Variants in ACBD5 observed in about 807,000 individuals in gnomAD.
The protein encoded by ACBD5 is acyl-CoA binding domain containing 5.
Under a neutral mutation model 71.8 loss-of-function variants are expected in ACBD5, and 40 were observed. That is an observed-to-expected ratio of 0.56 (90% CI 0.43 to 0.72). The LOEUF is 0.72. Among genes scored for constraint, ACBD5 ranks in the 30% least tolerant of loss-of-function variants. ACBD5 has a pLI of 0.00. For synonymous variants in ACBD5, 229 were observed against 218.6 expected, an observed-to-expected ratio of 1.05 and a Z score of -0.42; for missense variants, 559 against 644.5, an observed-to-expected ratio of 0.87 and a Z score of 1.44.
intron 5 of ACBD5, chr10:27,220,564 A>G (rs926801362): frequency 6.6e-5 from 10 of 152,212 alleles, no homozygotes; most frequent in South Asian, 2.1e-4. Context: ...TGGTTACTGG[A>G]CACTGTTTTG....
intron 11 of ACBD5, 115 bp downstream of exon 11, chr10:27,205,083 C>T (rs2060337477): frequency 2.1e-6 from 2 of 965,744 alleles, no homozygotes; most frequent in Non-Finnish European, 3.1e-6. Flanking sequence ...GCTGAGATCG[C>T]ACCACTGCAC....
rs1167438554 is a variant in ACBD5 at position 27,228,815 on chromosome 10, ATTTTTTTTT to A, written c.375+2924_375+2932del. On this transcript the variant is annotated intron_variant, in intron 4 of 12. Coordinates refer to ENST00000396271, the MANE Select transcript of ACBD5 (RefSeq NM_145698.5). ...TTTATATATATATATATATATATAT[ATTTTTTTTT>A]TTTTTTTTTTTTTTGAGACAGATTA... Among the ~76,000 whole-genome samples the A allele has an allele frequency of 1.5e-4, 3 of 20,368 alleles. No homozygotes were observed. The South Asian group carries it at 6.0e-3, about 41-fold the overall frequency. 13.4% of individuals were successfully genotyped at this position (20,368 alleles called of 152,430 possible).
upstream of ACBD5, chr10:27,240,811 C>T: frequency 1.4e-6 from 2 of 1,413,772 alleles, no homozygotes; most frequent in Non-Finnish European, 1.9e-6. This position sits in a 1 kb window ranked among gnomAD's most constrained non-coding sequence, Gnocchi z 4.1. Context: ...AGTCCGTGCC[C>T]TCCCCACAGC....
intron 2 of ACBD5, among the ~76,000 whole-genome samples, chr10:27,238,039 G>A (rs980128520): frequency 1.3e-5 from 2 of 151,838 alleles, no homozygotes; most frequent in Admixed American, 6.6e-5. Flanking sequence ...TCCGCCTCCC[G>A]GGTTCACGCC....
intron 12 of ACBD5, among the ~76,000 whole-genome samples, chr10:27,199,518 A>T (rs1032892856): frequency 2.0e-5 from 3 of 152,198 alleles, no homozygotes; most frequent in African/African-American, 7.2e-5. Context: ...CACAGGAAAC[A>T]ACAGATAAGG....
upstream of ACBD5, chr10:27,242,078 G>T (rs1034039358): frequency 1.5e-5 from 7 of 453,256 alleles, no homozygotes; most frequent in African/African-American, 1.4e-4. Context: ...GCCGGACAAG[G>T]CCTGTCCGGT....
intron 4 of ACBD5, among the ~76,000 whole-genome samples, chr10:27,228,470 G>C (rs1258754058): frequency 6.6e-6 from 1 of 151,704 alleles, no homozygotes. Context: ...CCAGCTACTC[G>C]GGAGGCTGAG....
intron 5 of ACBD5, chr10:27,223,086 A>G: frequency 1.5e-6 from 1 of 669,872 alleles, no homozygotes; most frequent in Admixed American, 2.5e-5. Flanking sequence ...AACTTCATAT[A>G]ATGTGTTTGC....
chr10:27,233,358 C>T (rs480738), intron 3 of ACBD5, among the ~76,000 whole-genome samples: 26,730 of 149,028 alleles, frequency 0.18, 2,917 homozygotes, highest in East Asian at 0.33. Context: ...ACTTGGGAGG[C>T]GGAGATTCAG....
intron 12 of ACBD5, among the ~76,000 whole-genome samples, chr10:27,200,387 G>A (rs112037967): frequency 0.036 from 5,517 of 152,030 alleles, 113 homozygotes; most frequent in African/African-American, 0.056. Flanking sequence ...CCCTTGTTTA[G>A]AAATAACCAC....
intron 13 of ACBD5, among the ~76,000 whole-genome samples, chr10:27,184,213 A>G (rs1429042496): frequency 6.6e-6 from 1 of 152,204 alleles, no homozygotes; most frequent in African/African-American, 2.4e-5. Context: ...TACTAGGAAG[A>G]AAAATAAAGC....
chr10:27,188,625 A>AAGTT (rs2058917106), intron 13 of ACBD5, among the ~76,000 whole-genome samples: 1 of 152,244 alleles, frequency 6.6e-6, no homozygotes, highest in South Asian at 2.1e-4. Context: ...CTTGAGTGGA[A>AAGTT]AGTTACACTG....
intron 4 of ACBD5, among the ~76,000 whole-genome samples, chr10:27,228,482 C>A (rs1447772679): frequency 1.3e-5 from 2 of 151,610 alleles, no homozygotes; most frequent in Non-Finnish European, 2.9e-5. Flanking sequence ...GAGGCTGAGG[C>A]AGGAGAATGG....
At chr10:27,225,017 T>C (rs964392901) in intron 4 of ACBD5, among the ~76,000 whole-genome samples, 1 of 151,364 alleles carries the variant, frequency 6.6e-6, no homozygotes, top group African/African-American at 2.4e-5. Context: ...GGCAACAAAG[T>C]GATACTCTGT....
intron 8 of ACBD5, 57 bp from the exon 9 acceptor site, chr10:27,211,138 A>C: frequency 6.5e-7 from 1 of 1,540,230 alleles, no homozygotes; most frequent in East Asian, 2.2e-5. Context: ...ATACACCACA[A>C]AGTTTTTACA....
In ACBD5 at chr10:27,223,329, T is replaced by A. The variant is rs757244319; in HGVS notation, c.490+9A>T. The A allele has an allele frequency of 5.0e-6, 8 of 1,588,308 alleles. No individual in the cohort carries two copies. The highest frequency in any genetic ancestry group is 1.3e-5 in the African/African-American group (1 of 74,474). ...TTGATGAATTTAAAAATAGGTAAAA[T>A]AGTCCAACCTGAGGTTATATCAGAA... On this transcript the variant is annotated intron_variant, in intron 5 of 12. Coordinates refer to ENST00000396271, the MANE Select transcript of ACBD5 (RefSeq NM_145698.5).
Position 27,197,391 on chromosome 10 carries a change from C to T in ACBD5, c.*39G>A, listed in dbSNP as rs907112175. 1 of 1,601,964 alleles carries T rather than the reference C, an allele frequency of 6.2e-7. No individual in the cohort carries two copies. Among genetic ancestry groups the T allele is most frequent in the Non-Finnish European group, 8.5e-7 (1 of 1,169,810 alleles). ...ACAATCCAGTTCATTCTGAGGTCAT[C>T]CAGTTCCAGTAGTCTTCTTGAGGAA... On this transcript the variant is annotated 3_prime_UTR_variant, in exon 13 of 13. Coordinates refer to ENST00000396271, the MANE Select transcript of ACBD5 (RefSeq NM_145698.5).
At chr10:27,197,782 C>T (rs1053414614) in intron 12 of ACBD5, among the ~76,000 whole-genome samples, 10 of 152,050 alleles carry the variant, frequency 6.6e-5, no homozygotes, top group Non-Finnish European at 1.0e-4. Context: ...AAGTAGCTGG[C>T]ATTACAGGTG....
chr10:27,225,081 T>TTTC (rs2062847942), intron 4 of ACBD5, among the ~76,000 whole-genome samples: 2 of 137,720 alleles, frequency 1.5e-5, no homozygotes, highest in African/African-American at 6.1e-5. Context: ...CTCTTTCTTT[T>TTTC]TTTTTTTTTT....
Sources: allele counts gnomAD v4.1 joint callset (sites outside exome capture counted in the v4.1 genomes callset), GRCh38; gene constraint gnomAD v4.1.1; non-coding constraint Gnocchi (gnomAD v3.1); transcripts MANE v1.5; gene names NCBI Gene and HGNC (gene_info 2026-07-23, HGNC 2026-07-21).